The following PCDHA4 variants were observed in gnomAD, a reference collection of about 807,000 sequenced individuals.
PCDHA4 encodes the protein protocadherin alpha 4, also known as protocadherin alpha-4.
PCDHA4 carries 49 observed loss-of-function variants against 61.4 expected under a neutral mutation model. The observed-to-expected ratio is 0.80, with a 90% CI of 0.63 to 1.01. PCDHA4 has a LOEUF of 1.01. Ranked by LOEUF, PCDHA4 falls within the 50% of genes least tolerant of loss-of-function variation. PCDHA4 has a pLI of 0.00. For missense variants in PCDHA4, 1,254 were observed against 1,235.8 expected, an observed-to-expected ratio of 1.01 and a Z score of -0.22; for synonymous variants, 590 against 550.3, an observed-to-expected ratio of 1.07 and a Z score of -1.01.
intron 1 of PCDHA4, chr5:140,811,879 C>T (rs184579564): frequency 2.0e-5 from 3 of 151,982 alleles, no homozygotes; most frequent in African/African-American, 2.4e-5. Flanking sequence ...TGTTTAGGTT[C>T]TTTGTAGATT....
intron 1 of PCDHA4, chr5:140,853,038 C>T (rs2150527746): frequency 3.8e-6 from 1 of 265,006 alleles, no homozygotes; most frequent in African/African-American, 2.3e-5. Flanking sequence ...GCCACCATGC[C>T]CGCCTAATTT....
chr5:140,822,181 G>A, intron 1 of PCDHA4: 1 of 1,614,198 alleles, frequency 6.2e-7, no homozygotes, highest in Non-Finnish European at 8.5e-7. Flanking sequence ...CTCCAGACAA[G>A]AACAAAGATT....
chr5:140,836,116 G>C, intron 1 of PCDHA4: 3 of 1,613,762 alleles, frequency 1.9e-6, no homozygotes, highest in Non-Finnish European at 2.5e-6. Flanking sequence ...GGCGCAGTGA[G>C]AGAGCTTGTG....
chr5:140,900,312 T>C (rs902600593), intron 1 of PCDHA4, among the ~76,000 whole-genome samples: 1 of 151,284 alleles, frequency 6.6e-6, no homozygotes, highest in African/African-American at 2.4e-5. Flanking sequence ...AGTCTCACTT[T>C]TGTCGCCCAG....
In PCDHA4 at chr5:140,853,519, C is replaced by G. The variant is rs73793503; in HGVS notation, c.2385+43947C>G. ...GAATCATGAAACAATAATGAAGCTCCTCCTATGTCTCTTTTCAAGTTGTAA... is the reference window on the plus strand; with the variant it reads ...GAATCATGAAACAATAATGAAGCTCGTCCTATGTCTCTTTTCAAGTTGTAA... On this transcript the variant is annotated intron_variant, in intron 1 of 3. Transcript: ENST00000530339. The G allele has an allele frequency of 2.2e-3, 2,124 of 976,444 alleles. 135 individuals are homozygous for G. The African/African-American group carries it at 0.036, about 16-fold the overall frequency. The allele number at this position is 976,444 out of a possible 1,614,324, so 60.5% of individuals were successfully genotyped here. A position where few individuals can be genotyped will look rare whatever the true frequency, so the allele number is the denominator to read the frequency against.
Position 141,011,828 on chromosome 5 carries a change from T to C in PCDHA4, c.*1891T>C, listed in dbSNP as rs76856184. The C allele has an allele frequency of 2.5e-3, 389 of 153,920 alleles. 1 individual carries two copies. Among genetic ancestry groups the C allele is most frequent in the African/African-American group, 9.1e-3 (378 of 41,598 alleles). The allele number at this position is 153,920 out of a possible 1,614,324, so 9.5% of individuals were successfully genotyped here. ...GCTCATAGAAAGTAACAAAATTTGC[T>C]GTCACCTTAAATAAGACATTTTAAT... On this transcript the variant is annotated 3_prime_UTR_variant, in exon 4 of 4. Transcript: ENST00000530339.
chr5:140,872,667 A>G (rs2053828539), intron 1 of PCDHA4, among the ~76,000 whole-genome samples: 1 of 152,186 alleles, frequency 6.6e-6, no homozygotes, highest in African/African-American at 2.4e-5. Flanking sequence ...CAACTATTGG[A>G]TACTCAAACA....
intron 1 of PCDHA4, chr5:140,882,094 C>A: frequency 2.6e-6 from 3 of 1,172,678 alleles, no homozygotes; most frequent in Non-Finnish European, 3.5e-6. Flanking sequence ...TCACTGAGAA[C>A]GTTTCCGCGA....
At chr5:140,868,439 G>A (rs2050456620) in intron 1 of PCDHA4, 2 of 152,256 alleles carry the variant, frequency 1.3e-5, no homozygotes, top group South Asian at 4.2e-4. Flanking sequence ...TAGATCATGT[G>A]GAACATAAAC....
At chr5:140,914,445 T>C (rs782813943) in intron 1 of PCDHA4, among the ~76,000 whole-genome samples, 1 of 152,200 alleles carries the variant, frequency 6.6e-6, no homozygotes, top group South Asian at 2.1e-4. Flanking sequence ...CCCATGTCTT[T>C]ATTTTCCAGT....
intron 1 of PCDHA4, chr5:140,848,792 C>CAG (rs2150420729): frequency 1.3e-6 from 2 of 1,592,840 alleles, no homozygotes; most frequent in Non-Finnish European, 8.6e-7. Context: ...GCGGGCGGAG[C>CAG]GCGGAGTGCA....
At chr5:140,877,575 C>T (rs1244471489) in intron 1 of PCDHA4, 1 of 1,613,826 alleles carries the variant, frequency 6.2e-7, no homozygotes, top group Non-Finnish European at 8.5e-7. Context: ...TGTACCTCAT[C>T]ATCGCCATCT....
rs191954731 is a variant in PCDHA4 at position 140,913,936 on chromosome 5, A to G, written c.2386-65013A>G. Among the ~76,000 whole-genome samples the G allele has an allele frequency of 7.5e-3, 1,149 of 152,268 alleles. 4 individuals are homozygous for G. Among genetic ancestry groups the G allele is most frequent in the Admixed American group, 0.013 (194 of 15,286 alleles). ...AATTTTACTTCATTGTGGTCAGAGA[A>G]GAATCTTGATATGATATCATTTTTA... On this transcript the variant is annotated intron_variant, in intron 1 of 3. Transcript: ENST00000530339.
chr5:140,879,402 T>C (rs571790), intron 1 of PCDHA4, among the ~76,000 whole-genome samples: 2,265 of 152,304 alleles, frequency 0.015, 52 homozygotes, highest in African/African-American at 0.052. Context: ...TTTGTGTGTA[T>C]TTGAGCAGGT....
intron 1 of PCDHA4, among the ~76,000 whole-genome samples, chr5:140,960,655 T>C (rs2153725891): frequency 6.6e-6 from 1 of 152,296 alleles, no homozygotes; most frequent in East Asian, 1.9e-4. Context: ...TCCAAATCAA[T>C]GAATGCTTTG....
chr5:140,920,118 T>A (rs1196076867), intron 1 of PCDHA4, among the ~76,000 whole-genome samples: 1 of 152,164 alleles, frequency 6.6e-6, no homozygotes, highest in Non-Finnish European at 1.5e-5. Context: ...CTTGCCAACA[T>A]CTTGAGTTTT....
Position 140,843,638 on chromosome 5 carries a change from A to G in PCDHA4, c.2385+34066A>G, listed in dbSNP as rs2150364336. On this transcript the variant is annotated intron_variant, in intron 1 of 3. Transcript: ENST00000530339. ...ACCGAAGACGGACCTCATGGCCTTC[A>G]GCCCCTGCCTTCCTCCTGATCTGGG... 6.9e-6 allele frequency: 11 copies of G among 1,595,882 alleles called. 1 individual carries two copies. In the African/African-American group the frequency reaches 9.4e-5, roughly 14 times the overall value.
chr5:140,848,477 A>G (rs1473834306), intron 1 of PCDHA4: 1 of 1,563,760 alleles, frequency 6.4e-7, no homozygotes, highest in Non-Finnish European at 8.7e-7. Context: ...ACTAATTAGA[A>G]GAAGACTGAG....
rs1554124643 is a variant in PCDHA4 at position 140,808,591 on chromosome 5, C to T, written c.1404C>T (p.Asn468=). ...PEYTVFVKEN[N]PPGCHIFTVS... is the part of the protein sequence containing the mutation. Reference sequence around the variant, plus strand: ...ACACAGTGTTCGTGAAGGAGAACAACCCGCCGGGCTGCCACATCTTCACTG... The same window carrying T: ...ACACAGTGTTCGTGAAGGAGAACAATCCGCCGGGCTGCCACATCTTCACTG... The change falls in exon 1 of 4, where the codon AAC becomes AAT. Residue 468 remains asparagine (N), a synonymous_variant. Transcript: ENST00000530339. 6.2e-7 allele frequency: 1 copy of T among 1,613,990 alleles called. No individual in the cohort carries two copies.
Sources: allele counts gnomAD v4.1 joint callset (sites outside exome capture counted in the v4.1 genomes callset), GRCh38; gene constraint gnomAD v4.1.1; transcripts MANE v1.5; gene names NCBI Gene and HGNC (gene_info 2026-07-23, HGNC 2026-07-21).